The following GOLGA8M variants were observed in gnomAD, a reference collection of about 807,000 sequenced individuals.
GOLGA8M encodes the protein golgin A8 family member M.
Under a neutral mutation model 87.7 loss-of-function variants are expected in GOLGA8M, and 34 were observed. The ratio of observed to expected loss-of-function variants is 0.39; its 90% CI spans 0.29 to 0.52. The LOEUF (loss-of-function observed/expected upper bound fraction) is 0.52. GOLGA8M is among the 20% of genes least tolerant of loss of function. GOLGA8M has a pLI of 0.80. For missense variants in GOLGA8M, 396 were observed against 682.2 expected, an observed-to-expected ratio of 0.58 and a Z score of 4.67; for synonymous variants, 138 against 250.2, an observed-to-expected ratio of 0.55 and a Z score of 4.23.
At position 28,702,230 on chromosome 15, in the gene GOLGA8M, A is replaced by T. The variant is rs768678549; in HGVS notation, c.1707T>A (p.Ala569=). 1.0e-5 allele frequency: 16 copies of T among 1,589,214 alleles called. No individual in the cohort carries two copies. Among genetic ancestry groups the T allele is most frequent in the Non-Finnish European group, 1.2e-5 (14 of 1,174,982 alleles). Residue 569 remains alanine (A), a synonymous_variant, in exon 18 of 19, where the codon GCT becomes GCA. Coordinates refer to ENST00000563027, the MANE Select transcript of GOLGA8M (RefSeq NM_001282468.3). ...PGAPAPQELG[A]ADKHGDLCEV... Reference sequence around the variant, plus strand: ...TGTACTCACCACCATGCTTGTCTGCAGCCCCAAGCTCCTGGGGAGCTGGGG... The same window carrying T: ...TGTACTCACCACCATGCTTGTCTGCTGCCCCAAGCTCCTGGGGAGCTGGGG...
chr15:28,702,806 A>C (rs2079850114), intron 15 of GOLGA8M, 61 bp from the exon 16 acceptor site: 3 of 1,581,906 alleles, frequency 1.9e-6, no homozygotes, highest in Non-Finnish European at 2.6e-6. Context: ...GGCATTTTCA[A>C]GTCATGGAGA....
chr15:28,702,895 T>C lies in GOLGA8M; in HGVS notation c.1369-150A>G. On this transcript the variant is annotated intron_variant, in intron 15 of 18. Transcript: ENST00000563027. Reference sequence around the variant, plus strand: ...CCAGTGGGTCTCCCCACTCACAGACTCGCCCCCAGGCCCTGGGGCTGCAGG... The same window carrying C: ...CCAGTGGGTCTCCCCACTCACAGACCCGCCCCCAGGCCCTGGGGCTGCAGG... 5 of 1,533,346 alleles carry C rather than the reference T, an allele frequency of 3.3e-6. No individual in the cohort carries two copies. The South Asian group carries it at 6.0e-5, about 18-fold the overall frequency. The allele number at this position is 1,533,346 out of a possible 1,614,324, so 95.0% of individuals were successfully genotyped here.
rs369028346 is a variant in GOLGA8M, at chr15:28,701,262, C to G, written c.*692G>C. Among the ~76,000 whole-genome samples the G allele has an allele frequency of 4.6e-5, 7 of 151,942 alleles. No individual in the cohort carries two copies. The East Asian group carries it at 7.8e-4, about 17-fold the overall frequency. ...ACACCGCTAATTCCTGGCACCGGAA[C>G]AGATGAAACACACTCTATCCTGCAC... On this transcript the variant is annotated 3_prime_UTR_variant, in exon 19 of 19. Coordinates refer to ENST00000563027, the MANE Select transcript of GOLGA8M (RefSeq NM_001282468.3).
intron 8 of GOLGA8M, 22 bp downstream of exon 8, chr15:28,707,726 T>A: frequency 1.3e-6 from 2 of 1,541,622 alleles, no homozygotes; most frequent in Non-Finnish European, 1.7e-6. Context: ...TCCCAGGGGA[T>A]GGGGCAGGTG....
chr15:28,704,562 G>C (rs1347451030), intron 13 of GOLGA8M, among the ~76,000 whole-genome samples: 1 of 150,066 alleles, frequency 6.7e-6, no homozygotes, highest in African/African-American at 2.4e-5. Flanking sequence ...CTGGAATCCA[G>C]TTTTAATCTA....
At chr15:28,712,721 G>A (rs1163840393), upstream of GOLGA8M, among the ~76,000 whole-genome samples, 6 of 152,086 alleles carry the variant, frequency 3.9e-5, no homozygotes, top group South Asian at 4.1e-4. Context: ...ATGTGTGTCC[G>A]TGTGTGCGTA....
chr15:28,702,656 C>A lies in GOLGA8M; in HGVS notation c.1458G>T (p.Glu486Asp), dbSNP rs567279709. 25 of 1,609,038 alleles carry A rather than the reference C, an allele frequency of 1.6e-5. 1 individual carries two copies. The Middle Eastern group carries it at 8.4e-4, about 54-fold the overall frequency. Residue 486 changes from glutamate (E) to aspartate (D), a missense_variant, in exon 16 of 19, where the codon GAG becomes GAT. Glu to Asp is a conservative substitution (Grantham distance 45). Around this residue, in one of 12 missense-constraint regions of GOLGA8M, gnomAD observed 173 missense variants for 150.2 expected, o/e 1.15. Coordinates refer to ENST00000563027, the MANE Select transcript of GOLGA8M (RefSeq NM_001282468.3). ...GGCCTCCCACTCACTGATGGCATCT[C>A]TCTTGCCAGTATTGAATGAAGCGAA... ...QELRFIQYWQ[E>D]RCHQKIHHLL...
intron 13 of GOLGA8M, among the ~76,000 whole-genome samples, chr15:28,704,688 A>G (rs146047378): frequency 0.11 from 13,969 of 127,346 alleles, 2,923 homozygotes; most frequent in African/African-American, 0.35. Flanking sequence ...AGCAATTCTC[A>G]TGCCTCAGCC....
chr15:28,701,693 A>C lies in GOLGA8M; in HGVS notation c.*261T>G, dbSNP rs2140902085. Among the ~76,000 whole-genome samples, 1 of 152,258 alleles carries C rather than the reference A, an allele frequency of 6.6e-6. No individual in the cohort carries two copies. Among genetic ancestry groups the C allele is most frequent in the South Asian group, 2.1e-4 (1 of 4,816 alleles). On this transcript the variant is annotated 3_prime_UTR_variant, in exon 19 of 19. Transcript: ENST00000563027. ...CTTCCACCACGTAAGGGCAAACTCG[A>C]TATGCATGCTAATGACCTACAATTA...
intron 16 of GOLGA8M, 33 bp from the exon 17 acceptor site, chr15:28,702,595 C>G (rs563898919): frequency 1.2e-6 from 2 of 1,609,854 alleles, no homozygotes; most frequent in African/African-American, 1.3e-5. Flanking sequence ...CGCTGGGGCC[C>G]CTCCGACGGT....
chr15:28,702,674 G>A lies in GOLGA8M; in HGVS notation c.1440C>T (p.Phe480=), dbSNP rs757711228. The change falls in exon 16 of 19, where the codon TTC becomes TTT. Residue 480 remains phenylalanine (F), a synonymous_variant. Coordinates refer to ENST00000563027, the MANE Select transcript of GOLGA8M (RefSeq NM_001282468.3). ...SELVKKQELR[F]IQYWQERCHQ... ...GGCATCTCTCTTGCCAGTATTGAAT[G>A]AAGCGAAGTTCTTGTTTCTTCACAA... 6.2e-7 allele frequency: 1 copy of A among 1,606,944 alleles called. No homozygotes were observed. Among genetic ancestry groups the A allele is most frequent in the South Asian group, 1.1e-5 (1 of 90,828 alleles).
At chr15:28,710,088 T>TTC (rs2080154241) in intron 2 of GOLGA8M, among the ~76,000 whole-genome samples, 1 of 144,726 alleles carries the variant, frequency 6.9e-6, no homozygotes, top group African/African-American at 2.6e-5. Context: ...AATTCCTTTT[T>TTC]TTTTCTTTGA....
At chr15:28,713,061 C>G (rs1233002635), upstream of GOLGA8M, among the ~76,000 whole-genome samples, 1 of 151,262 alleles carries the variant, frequency 6.6e-6, no homozygotes, top group Admixed American at 6.6e-5. Flanking sequence ...GCTTTTGGGC[C>G]GGGTGCAGTG....
Position 28,705,225 on chromosome 15 carries a change from G to C in GOLGA8M, c.1134C>G (p.Asn378Lys). 1 of 1,597,500 alleles carries C rather than the reference G, an allele frequency of 6.3e-7. No individual in the cohort carries two copies. Among genetic ancestry groups the C allele is most frequent in the Non-Finnish European group, 8.5e-7 (1 of 1,179,708 alleles). The part of the protein sequence containing the change: ...AKPQSVFEEP[N>K]NENKSTLQLE... Reference sequence around the variant, plus strand: ...ACTGCAGTGTGCTCTTGTTCTCATTGTTCTGGACAGAGAGAAGCAATCAGC... The same window carrying C: ...ACTGCAGTGTGCTCTTGTTCTCATTCTTCTGGACAGAGAGAAGCAATCAGC... Residue 378 changes from asparagine to lysine, a missense_variant and splice_region_variant, in exon 13 of 19, where the codon AAC becomes AAG. Transcript: ENST00000563027.
At chr15:28,706,309 C>G in intron 10 of GOLGA8M, 90 bp downstream of exon 10, 2 of 689,224 alleles carry the variant, frequency 2.9e-6, no homozygotes, top group Non-Finnish European at 5.1e-6. Flanking sequence ...GACCCATGAC[C>G]ACCTCTGGCT....
In GOLGA8M at chr15:28,701,438, T is replaced by C. The variant is rs1229795461; in HGVS notation, c.*516A>G. Among the ~76,000 whole-genome samples, 2 of 151,846 alleles carry C rather than the reference T, an allele frequency of 1.3e-5. No homozygotes were observed. Among genetic ancestry groups the C allele is most frequent in the Non-Finnish European group, 2.9e-5 (2 of 68,020 alleles). On this transcript the variant is annotated 3_prime_UTR_variant, in exon 19 of 19. Coordinates refer to ENST00000563027, the MANE Select transcript of GOLGA8M (RefSeq NM_001282468.3). ...CAACTCTAAATGTCAGTACTCATAG[T>C]GGCATATTACAAAGTAATAAACAGT... is the stretch of plus-strand genomic sequence containing the variant.
intron 8 of GOLGA8M, among the ~76,000 whole-genome samples, chr15:28,707,468 C>G (rs1486611829): frequency 6.9e-6 from 1 of 145,416 alleles, no homozygotes; most frequent in Non-Finnish European, 1.5e-5. Context: ...TACCCAATAC[C>G]CCACCTAGGA....
chr15:28,702,781 G>A (rs756819166), intron 15 of GOLGA8M, 36 bp from the exon 16 acceptor site: 169 of 1,592,166 alleles, frequency 1.1e-4, no homozygotes, highest in Non-Finnish European at 1.3e-4. Flanking sequence ...TCTCGGCAGC[G>A]ACCTGCCCTC....
rs1398536219 is a variant in GOLGA8M at position 28,702,715 on chromosome 15, C to T, written c.1399G>A (p.Ala467Thr). ...SSFMDHLEEKADLSELVKKQE... is the reference protein window; with the variant it reads ...SSFMDHLEEKTDLSELVKKQE... ...TTCTTCACAAGCTCACTCAGGTCTGCCTTCTCCTCCAGGTGGTCCATAAAG... is the reference window on the plus strand; with the variant it reads ...TTCTTCACAAGCTCACTCAGGTCTGTCTTCTCCTCCAGGTGGTCCATAAAG... The change falls in exon 16 of 19, where the codon GCA (alanine) becomes ACA (threonine). Residue 467 changes from alanine (A) to threonine (T), a missense_variant. Transcript: ENST00000563027. 6.2e-7 allele frequency: 1 copy of T among 1,602,280 alleles called. No individual in the cohort carries two copies. The highest frequency in any genetic ancestry group is 8.5e-7 in the Non-Finnish European group (1 of 1,179,632).
Sources: allele counts gnomAD v4.1 joint callset (sites outside exome capture counted in the v4.1 genomes callset), GRCh38; gene constraint gnomAD v4.1.1; regional missense constraint gnomAD v4.1.1; transcripts MANE v1.5; gene names NCBI Gene and HGNC (gene_info 2026-07-23, HGNC 2026-07-21).